The following FAM83B variants were observed in gnomAD, a reference collection of about 807,000 sequenced individuals.
FAM83B encodes the protein protein FAM83B.
Under a neutral mutation model 38.8 loss-of-function variants are expected in FAM83B, and 26 were observed. The ratio of observed to expected loss-of-function variants is 0.67; its 90% CI spans 0.49 to 0.93. The LOEUF (loss-of-function observed/expected upper bound fraction) is 0.93, where lower values mean the gene tolerates loss of function less well. Ranked by LOEUF, FAM83B falls within the 40% of genes least tolerant of loss-of-function variation. FAM83B has a pLI of 0.00. For missense variants in FAM83B, 1,237 were observed against 1,197.3 expected, an observed-to-expected ratio of 1.03 and a Z score of -0.49; for synonymous variants, 419 against 423.1, an observed-to-expected ratio of 0.99 and a Z score of 0.12.
chr6:54,846,696 G>C (rs1771141696), upstream of FAM83B: 1 of 152,230 alleles, frequency 6.6e-6, no homozygotes, highest in South Asian at 2.1e-4. Flanking sequence ...GCCTCCCTCC[G>C]CGGACCTGAC....
At chr6:54,912,649 A>C (rs1296349343) in intron 2 of FAM83B, among the ~76,000 whole-genome samples, 1 of 151,864 alleles carries the variant, frequency 6.6e-6, no homozygotes, top group Non-Finnish European at 1.5e-5. Flanking sequence ...TTGTGAGAGG[A>C]ATATTCAGTT....
Position 54,941,079 on chromosome 6 carries a change from T to C in FAM83B, c.2108T>C (p.Leu703Ser), listed in dbSNP as rs769810728. 2.5e-6 allele frequency: 4 copies of C among 1,613,342 alleles called. No individual in the cohort carries two copies. Among genetic ancestry groups the C allele is most frequent in the Non-Finnish European group, 3.4e-6 (4 of 1,179,816 alleles). ...CAACCAGAAAAGCCCAAAGAAGATT[T>C]GCTGAAAAGTTCTAAAAGCATGCAC... Reference protein sequence around the residue: ...VRQPEKPKEDLLKSSKSMHNV... With the variant: ...VRQPEKPKEDSLKSSKSMHNV... Residue 703 changes from leucine to serine, a missense_variant, in exon 5 of 5, where the codon TTG becomes TCG. Transcript: ENST00000306858.
At chr6:54,932,020 T>G (rs1029167656) in intron 4 of FAM83B, among the ~76,000 whole-genome samples, 22 of 148,970 alleles carry the variant, frequency 1.5e-4, no homozygotes, top group Non-Finnish European at 3.3e-4. Flanking sequence ...TTTTTTTTTT[T>G]TTTTTTTGAG....
At chr6:54,934,058 C>A (rs560600426) in intron 4 of FAM83B, among the ~76,000 whole-genome samples, 1 of 152,276 alleles carries the variant, frequency 6.6e-6, no homozygotes, top group East Asian at 1.9e-4. Context: ...TGGTCGCTAG[C>A]ATTTCACAGA....
intron 2 of FAM83B, among the ~76,000 whole-genome samples, chr6:54,878,074 G>A (rs950524260): frequency 5.9e-5 from 9 of 152,176 alleles, no homozygotes; most frequent in Non-Finnish European, 1.0e-4. Flanking sequence ...AAGGAAATGC[G>A]TTTCTGAGTT....
At chr6:54,900,400 A>T (rs1459621113) in intron 2 of FAM83B, among the ~76,000 whole-genome samples, 1 of 152,182 alleles carries the variant, frequency 6.6e-6, no homozygotes, top group East Asian at 1.9e-4. Flanking sequence ...TTTGCCTGAC[A>T]GGAGTGTACT....
intron 2 of FAM83B, among the ~76,000 whole-genome samples, chr6:54,923,402 C>T (rs964819229): frequency 1.3e-5 from 2 of 151,986 alleles, no homozygotes; most frequent in African/African-American, 4.8e-5. Context: ...TCTCCCTGCC[C>T]TCTTTCAATT....
At chr6:54,862,599 G>T (rs976231204) in intron 1 of FAM83B, among the ~76,000 whole-genome samples, 2 of 152,070 alleles carry the variant, frequency 1.3e-5, no homozygotes, top group African/African-American at 4.8e-5. Flanking sequence ...GTCATTGGCC[G>T]GGCACGGTGC....
intron 2 of FAM83B, among the ~76,000 whole-genome samples, chr6:54,874,407 C>A (rs1360628511): frequency 2.6e-5 from 4 of 152,044 alleles, no homozygotes; most frequent in Non-Finnish European, 5.9e-5. Flanking sequence ...GAAACCCTTT[C>A]TATTTTTCAC....
intron 2 of FAM83B, among the ~76,000 whole-genome samples, chr6:54,920,841 C>A (rs1272120139): frequency 6.6e-6 from 1 of 151,888 alleles, no homozygotes; most frequent in Non-Finnish European, 1.5e-5. Flanking sequence ...TACTATCAGA[C>A]ACATTTTCCC....
intron 2 of FAM83B, among the ~76,000 whole-genome samples, chr6:54,908,069 G>T (rs1193685910): frequency 1.3e-5 from 2 of 151,156 alleles, no homozygotes; most frequent in African/African-American, 4.9e-5. Context: ...AAAATAACAG[G>T]GCAGCTGTTG....
At chr6:54,857,322 A>T (rs1771467571) in intron 1 of FAM83B, among the ~76,000 whole-genome samples, 1 of 152,180 alleles carries the variant, frequency 6.6e-6, no homozygotes, top group African/African-American at 2.4e-5. Context: ...AGGAGGGCAC[A>T]TGACACATTC....
Position 54,941,949 on chromosome 6 carries a change from A to C in FAM83B, c.2978A>C (p.Glu993Ala). Residue 993 changes from glutamate to alanine, a missense_variant, in exon 5 of 5, where the codon GAG (glutamate) becomes GCG (alanine). By Grantham distance (107) the Glu-to-Ala change is moderately radical. Coordinates refer to ENST00000306858, the MANE Select transcript of FAM83B (RefSeq NM_001010872.3). Reference sequence around the variant, plus strand: ...GTTTATCGCTCATATCAACCCAATGAGAACAAGTTTCGAGGATTTATGCAA... The same window carrying C: ...GTTTATCGCTCATATCAACCCAATGCGAACAAGTTTCGAGGATTTATGCAA... ...TGVYRSYQPN[E>A]NKFRGFMQKF... is the part of the protein sequence containing the mutation. The C allele has an allele frequency of 6.2e-7, 1 of 1,611,070 alleles. No individual in the cohort carries two copies. Among genetic ancestry groups the C allele is most frequent in the South Asian group, 1.1e-5 (1 of 89,950 alleles).
At chr6:54,912,622 C>T (rs945593917) in intron 2 of FAM83B, among the ~76,000 whole-genome samples, 8 of 151,740 alleles carry the variant, frequency 5.3e-5, no homozygotes, top group South Asian at 2.1e-4. Flanking sequence ...TTTCATTTAT[C>T]GTTAGTTGTT....
Position 54,859,459 on chromosome 6 carries a change from C to G in FAM83B, c.-60-10728C>G, listed in dbSNP as rs1344005476. Among the ~76,000 whole-genome samples the G allele has an allele frequency of 4.6e-5, 7 of 152,206 alleles. No homozygotes were observed. In the East Asian group the frequency reaches 1.3e-3, roughly 29 times the overall value. On this transcript the variant is annotated intron_variant, in intron 1 of 4. Transcript: ENST00000306858. ...ACCTTCAGTTATTAAGGCAGTATATCATTAGCTTATTTAACAATTATGTAC... is the reference window on the plus strand; with the variant it reads ...ACCTTCAGTTATTAAGGCAGTATATGATTAGCTTATTTAACAATTATGTAC...
At chr6:54,918,607 C>G (rs58321316) in intron 2 of FAM83B, among the ~76,000 whole-genome samples, 1 of 152,018 alleles carries the variant, frequency 6.6e-6, no homozygotes, top group Non-Finnish European at 1.5e-5. Flanking sequence ...AACTCATTCA[C>G]TATCACAAGA....
intron 1 of FAM83B, among the ~76,000 whole-genome samples, chr6:54,858,178 C>A (rs1201118937): frequency 6.6e-6 from 1 of 152,166 alleles, no homozygotes; most frequent in Non-Finnish European, 1.5e-5. Context: ...ACAGGAAAAT[C>A]AATAGCTTTG....
At chr6:54,870,134 A>T (rs1327594538) in intron 1 of FAM83B, 53 bp from the exon 2 acceptor site, 11 of 784,616 alleles carry the variant, frequency 1.4e-5, no homozygotes, top group Non-Finnish European at 2.1e-5. Flanking sequence ...ATCATAAAAC[A>T]TTCTGTTACC....
intron 2 of FAM83B, among the ~76,000 whole-genome samples, chr6:54,894,409 G>GTCCCCTT (rs1312840947): frequency 6.6e-6 from 1 of 152,050 alleles, no homozygotes. Context: ...TAGTCTCATA[G>GTCCCCTT]GTAAATTGGG....
Sources: allele counts gnomAD v4.1 joint callset (sites outside exome capture counted in the v4.1 genomes callset), GRCh38; gene constraint gnomAD v4.1.1; transcripts MANE v1.5; gene names NCBI Gene and HGNC (gene_info 2026-07-23, HGNC 2026-07-21).